The following GNG2 variants were observed in gnomAD, a reference collection of about 807,000 sequenced individuals.
GNG2 encodes the protein guanine nucleotide-binding protein G(I)/G(S)/G(O) subunit gamma-2.
GNG2 carries 5 observed loss-of-function variants against 5.5 expected under a neutral mutation model. That is an observed-to-expected ratio of 0.91 (90% CI 0.48 to 1.92). The LOEUF (loss-of-function observed/expected upper bound fraction) is 1.92, where lower values mean the gene tolerates loss of function less well. GNG2 is among the 30% of genes most tolerant of loss of function. The pLI is 0.01. For synonymous variants in GNG2, 28 were observed against 32.0 expected, an observed-to-expected ratio of 0.88 and a Z score of 0.42; for missense variants, 55 against 88.4, an observed-to-expected ratio of 0.62 and a Z score of 1.52.
At chr14:51,880,974 A>G (rs1884022404) in intron 2 of GNG2, among the ~76,000 whole-genome samples, 1 of 150,076 alleles carries the variant, frequency 6.7e-6, no homozygotes, top group Non-Finnish European at 1.5e-5. Context: ...AAAGAAAAAA[A>G]AAAAAAAAAA....
intron 2 of GNG2, among the ~76,000 whole-genome samples, chr14:51,840,625 A>G (rs1158595094): frequency 6.6e-6 from 1 of 152,182 alleles, no homozygotes; most frequent in African/African-American, 2.4e-5. Context: ...GTTGCCTCCA[A>G]ATATTTCCTG....
intron 2 of GNG2, among the ~76,000 whole-genome samples, chr14:51,851,050 A>G (rs1232363989): frequency 6.6e-6 from 1 of 152,216 alleles, no homozygotes; most frequent in Non-Finnish European, 1.5e-5. Flanking sequence ...TATGTACACA[A>G]TGTTATCCCA....
chr14:51,955,806 T>A (rs1275321750), intron 3 of GNG2, among the ~76,000 whole-genome samples: 1 of 152,214 alleles, frequency 6.6e-6, no homozygotes, highest in East Asian at 1.9e-4. Context: ...TTTAAAACAC[T>A]TTAACATATA....
chr14:51,867,935 G>A (rs1005514915), intron 1 of GNG2, among the ~76,000 whole-genome samples: 4 of 152,074 alleles, frequency 2.6e-5, no homozygotes, highest in Non-Finnish European at 4.4e-5. Flanking sequence ...GCTCTTTGAG[G>A]ACAGCGGTCA....
chr14:51,884,597 C>G (rs967302741), intron 2 of GNG2, among the ~76,000 whole-genome samples: 1 of 152,304 alleles, frequency 6.6e-6, no homozygotes, highest in Non-Finnish European at 1.5e-5. Context: ...AGTTACACCT[C>G]TGTGGCTCCT....
At chr14:51,927,006 T>C (rs1349024995) in intron 2 of GNG2, among the ~76,000 whole-genome samples, 2 of 152,210 alleles carry the variant, frequency 1.3e-5, no homozygotes, top group Non-Finnish European at 2.9e-5. Context: ...AAATTTCTAT[T>C]ACTTATCCGA....
intron 1 of GNG2, among the ~76,000 whole-genome samples, chr14:51,876,821 C>T (rs568114035): frequency 6.6e-6 from 1 of 152,226 alleles, no homozygotes; most frequent in Non-Finnish European, 1.5e-5. Context: ...TGAGTTCCAC[C>T]CTCATTCATA....
At chr14:51,884,706 A>G (rs1052425460) in intron 2 of GNG2, among the ~76,000 whole-genome samples, 5 of 152,194 alleles carry the variant, frequency 3.3e-5, no homozygotes, top group African/African-American at 7.2e-5. Flanking sequence ...GGCAGTAGAA[A>G]CAAGTTAAGG....
At position 51,966,963 on chromosome 14, in the gene GNG2, C is replaced by CT. The variant is rs1555359276; in HGVS notation, c.*276_*277insT. Reference sequence around the variant, plus strand: ...TCACTTCTTTTCTGCTATCCCCCAGCCCCCCCCCCAAAATCCTCATGTTTC... The same window carrying CT: ...TCACTTCTTTTCTGCTATCCCCCAGCTCCCCCCCCCAAAATCCTCATGTTTC... On this transcript the variant is annotated 3_prime_UTR_variant, in exon 4 of 4. Coordinates refer to ENST00000556766, the MANE Select transcript of GNG2 (RefSeq NM_053064.5). 1 of 56,072 alleles carries CT rather than the reference C, an allele frequency of 1.8e-5. No individual in the cohort carries two copies. Among genetic ancestry groups the CT allele is most frequent in the Non-Finnish European group, 2.9e-5 (1 of 35,046 alleles). The allele number at this position is 56,072 out of a possible 1,614,324, so 3.5% of individuals were successfully genotyped here. A position where few individuals can be genotyped will look rare whatever the true frequency, so the allele number is the denominator to read the frequency against.
intron 3 of GNG2, among the ~76,000 whole-genome samples, chr14:51,962,592 A>G (rs918278631): frequency 2.0e-5 from 3 of 152,216 alleles, no homozygotes; most frequent in Non-Finnish European, 4.4e-5. Flanking sequence ...AAGTTATTTT[A>G]GTAATCACAA....
At chr14:51,881,264 C>G (rs181426290) in intron 2 of GNG2, among the ~76,000 whole-genome samples, 133 of 152,246 alleles carry the variant, frequency 8.7e-4, no homozygotes, top group Non-Finnish European at 1.2e-3. Flanking sequence ...CTTTTCCCCC[C>G]TAAGAGACAG....
chr14:51,956,716 ACAG>A (rs1397063933), intron 3 of GNG2, among the ~76,000 whole-genome samples: 3 of 152,168 alleles, frequency 2.0e-5, no homozygotes, highest in Non-Finnish European at 4.4e-5. Flanking sequence ...CCCTTAATAC[ACAG>A]GCAATTTCCC....
chr14:51,956,702 G>A (rs541737380), intron 3 of GNG2, among the ~76,000 whole-genome samples: 3 of 152,254 alleles, frequency 2.0e-5, no homozygotes, highest in East Asian at 1.9e-4. Flanking sequence ...TTTTATGACT[G>A]ATACCCTTAA....
chr14:51,875,251 A>T (rs920876283), intron 1 of GNG2, among the ~76,000 whole-genome samples: 1 of 152,144 alleles, frequency 6.6e-6, no homozygotes, highest in Non-Finnish European at 1.5e-5. Flanking sequence ...TCTTGCTTTC[A>T]TTGTCTAAGG....
At chr14:51,861,897 T>C (rs896093274) in intron 1 of GNG2, among the ~76,000 whole-genome samples, 3 of 152,042 alleles carry the variant, frequency 2.0e-5, no homozygotes, top group Non-Finnish European at 2.9e-5. Context: ...TCTTCTAGAG[T>C]TTCTATAATG....
intron 1 of GNG2, among the ~76,000 whole-genome samples, chr14:51,862,473 A>G (rs1036441061): frequency 5.3e-5 from 8 of 152,258 alleles, no homozygotes; most frequent in Non-Finnish European, 2.9e-5. Context: ...TCTAGAATCA[A>G]GCTGTGCATC....
intron 2 of GNG2, among the ~76,000 whole-genome samples, chr14:51,914,824 G>A (rs1050031252): frequency 6.6e-6 from 1 of 152,082 alleles, no homozygotes; most frequent in Non-Finnish European, 1.5e-5. Context: ...TGATGCTGAC[G>A]AGAGTCACTC....
intron 1 of GNG2, among the ~76,000 whole-genome samples, chr14:51,873,056 A>G (rs935780873): frequency 2.0e-5 from 3 of 152,216 alleles, no homozygotes; most frequent in Non-Finnish European, 2.9e-5. Context: ...CCAGTGTACA[A>G]ACTCAAATTA....
intron 2 of GNG2, among the ~76,000 whole-genome samples, chr14:51,836,829 C>G (rs935087111): frequency 2.0e-5 from 3 of 147,536 alleles, no homozygotes; most frequent in Non-Finnish European, 3.0e-5. Flanking sequence ...AAAATATTTT[C>G]AATATTATGA....
Sources: allele counts gnomAD v4.1 joint callset (sites outside exome capture counted in the v4.1 genomes callset), GRCh38; gene constraint gnomAD v4.1.1; transcripts MANE v1.5; gene names NCBI Gene and HGNC (gene_info 2026-07-23, HGNC 2026-07-21).